The following DBNDD1 variants were observed in gnomAD, a reference collection of about 807,000 sequenced individuals.
DBNDD1 encodes dysbindin domain containing 1, also known as dysbindin domain-containing protein 1.
DBNDD1 carries 14 observed loss-of-function variants against 17.0 expected under a neutral mutation model. That is an observed-to-expected ratio of 0.82 (90% CI 0.54 to 1.29). DBNDD1 has a LOEUF of 1.29. Ranked by LOEUF, DBNDD1 falls within the 50% of genes most tolerant of loss-of-function variation. The probability of loss-of-function intolerance (pLI) is 0.00; values close to 1 mark genes in which losing one functional copy is unlikely to be tolerated. For missense variants in DBNDD1, 221 were observed against 216.2 expected (o/e 1.02, Z -0.14); for synonymous variants, 105 against 102.0 (o/e 1.03, Z -0.18).
rs2035406813 is a variant in DBNDD1 at position 90,005,579 on chromosome 16, C to A, written c.*756G>T. The A allele has an allele frequency of 2.0e-5, 3 of 152,354 alleles. No homozygotes were observed. The highest frequency in any genetic ancestry group is 2.0e-4 in the Admixed American group (3 of 15,292). The allele number at this position is 152,354 out of a possible 1,614,324, so 9.4% of individuals were successfully genotyped here. The stretch of plus-strand genomic sequence containing the variant: ...GCAGGACAAGGAGAGGTGAACCCCA[C>A]CCCGAGAGCATTCCGGGAGGTGTCA... On this transcript the variant is annotated 3_prime_UTR_variant, in exon 4 of 4. Transcript: ENST00000002501.
At chr16:90,016,058 T>C (rs975113480) in intron 1 of DBNDD1, among the ~76,000 whole-genome samples, 16 of 152,204 alleles carry the variant, frequency 1.1e-4, no homozygotes, top group Non-Finnish European at 2.9e-5. Flanking sequence ...TGGCTGGAAC[T>C]GATAGGCAAA....
Position 90,008,853 on chromosome 16 carries a change from A to G in DBNDD1, c.250T>C (p.Ser84Pro). The G allele has an allele frequency of 6.2e-7, 1 of 1,603,628 alleles. No individual in the cohort carries two copies. The highest frequency in any genetic ancestry group is 1.1e-5 in the South Asian group (1 of 89,912). Residue 84 changes from serine to proline, a missense_variant, in exon 3 of 4, where the codon TCG becomes CCG. Ser to Pro is a moderately conservative substitution (Grantham distance 74, BLOSUM62 -1). Transcript: ENST00000002501. ...LLDLTELTDMSDQELAEVFAD... is the reference protein window; with the variant it reads ...LLDLTELTDMPDQELAEVFAD... ...AAGACCTCGGCCAGCTCCTGGTCCG[A>G]CATGTCGGTGAGCTCAGTGAGGTCC... is the stretch of plus-strand genomic sequence containing the variant.
intron 1 of DBNDD1, among the ~76,000 whole-genome samples, chr16:90,017,873 G>A (rs866232876): frequency 3.9e-5 from 6 of 152,324 alleles, no homozygotes; most frequent in Admixed American, 6.5e-5. Flanking sequence ...ACAGAGCTGC[G>A]ACCTGTAGGT....
upstream of DBNDD1, chr16:90,019,522 G>GCCCCGGC (rs2035732484): frequency 6.4e-6 from 1 of 155,290 alleles, no homozygotes; most frequent in African/African-American, 2.5e-5. The surrounding 1 kb of genome is among the most constrained non-coding windows in gnomAD (Gnocchi z 6.1). Context: ...CTGCTCCCGG[G>GCCCCGGC]CCCCGGCCCC....
rs943106145 is a variant in DBNDD1 at position 90,019,143 on chromosome 16, G to C, written c.31+168C>G. ...TCGGTCCGTGTGCCCCCAGCCCCGCGCGGGGACCGCGCCCGGGAGGTGCCC... is the reference window on the plus strand; with the variant it reads ...TCGGTCCGTGTGCCCCCAGCCCCGCCCGGGGACCGCGCCCGGGAGGTGCCC... On this transcript the variant is annotated intron_variant, in intron 1 of 3. Coordinates refer to ENST00000002501, the MANE Select transcript of DBNDD1 (RefSeq NM_001042610.3). This position sits in a 1 kb window ranked among gnomAD's most constrained non-coding sequence, Gnocchi z 6.1. Among the ~76,000 whole-genome samples the C allele has an allele frequency of 6.6e-6, 1 of 152,152 alleles. No homozygotes were observed. The highest frequency in any genetic ancestry group is 2.4e-5 in the African/African-American group (1 of 41,450).
Position 90,019,180 on chromosome 16 carries a change from G to A in DBNDD1, c.31+131C>T. ...CCCGGGAGGTGCCCCTGGCCCGCCGGACGACCCCGAGCTGCCAAAGGGGTC... is the reference window on the plus strand; with the variant it reads ...CCCGGGAGGTGCCCCTGGCCCGCCGAACGACCCCGAGCTGCCAAAGGGGTC... On this transcript the variant is annotated intron_variant, in intron 1 of 3. Transcript: ENST00000002501. This position sits in a 1 kb window ranked among gnomAD's most constrained non-coding sequence, Gnocchi z 6.1. 2.5e-6 allele frequency: 1 copy of A among 397,036 alleles called. No homozygotes were observed. Among genetic ancestry groups the A allele is most frequent in the Non-Finnish European group, 4.2e-6 (1 of 239,498 alleles). 24.6% of individuals were successfully genotyped at this position (397,036 alleles called of 1,614,324 possible).
rs1242637098 is a variant in DBNDD1, at chr16:90,019,384, C to T, written c.-43G>A. The T allele has an allele frequency of 2.5e-6, 3 of 1,191,722 alleles. No individual in the cohort carries two copies. Among genetic ancestry groups the T allele is most frequent in the East Asian group, 3.5e-5 (1 of 28,708 alleles). The allele number at this position is 1,191,722 out of a possible 1,614,324, so 73.8% of individuals were successfully genotyped here. Reference sequence around the variant, plus strand: ...GGAGGGGCACGGGCGACGGCGGCGTCGCCTGGCCCGGGCGCCCCAACAGCT... The same window carrying T: ...GGAGGGGCACGGGCGACGGCGGCGTTGCCTGGCCCGGGCGCCCCAACAGCT... On this transcript the variant is annotated 5_prime_UTR_variant, in exon 1 of 4. Coordinates refer to ENST00000002501, the MANE Select transcript of DBNDD1 (RefSeq NM_001042610.3). The surrounding 1 kb of genome is among the most constrained non-coding windows in gnomAD (Gnocchi z 6.1).
At chr16:90,014,738 C>T (rs1319760277) in intron 1 of DBNDD1, among the ~76,000 whole-genome samples, 1 of 152,132 alleles carries the variant, frequency 6.6e-6, no homozygotes, top group Non-Finnish European at 1.5e-5. Context: ...GGCGCGGTGG[C>T]TCACGCCTGT....
Position 90,008,940 on chromosome 16 carries a change from G to A in DBNDD1, c.179-16C>T. The A allele has an allele frequency of 6.5e-7, 1 of 1,540,390 alleles. No homozygotes were observed. The highest frequency in any genetic ancestry group is 8.8e-7 in the Non-Finnish European group (1 of 1,136,678). ...CTCAGAGGCTCTGAGGGCAGAGGGGGTACAGTCAGCCCTCAGGCCCTCCCA... is the reference window on the plus strand; with the variant it reads ...CTCAGAGGCTCTGAGGGCAGAGGGGATACAGTCAGCCCTCAGGCCCTCCCA... On this transcript the variant is annotated splice_polypyrimidine_tract_variant and intron_variant, in intron 2 of 3. Coordinates refer to ENST00000002501, the MANE Select transcript of DBNDD1 (RefSeq NM_001042610.3).
intron 1 of DBNDD1, 26 bp from the exon 2 acceptor site, chr16:90,009,456 T>G: frequency 1.2e-6 from 2 of 1,606,090 alleles, no homozygotes; most frequent in African/African-American, 1.3e-5. Context: ...CAGTGTCACC[T>G]TGAGATCCAC....
rs368971249 is a variant in DBNDD1 at position 90,012,460 on chromosome 16, C to T, written c.32-3030G>A. ...CCTGAGGGGCACCCCCTCCTCTCCT[C>T]TCTCTTTTTTTTTTTTGAGATGGAG... On this transcript the variant is annotated intron_variant, in intron 1 of 3. Coordinates refer to ENST00000002501, the MANE Select transcript of DBNDD1 (RefSeq NM_001042610.3). 4.6e-3 allele frequency among the ~76,000 whole-genome samples: 692 copies of T among 150,068 alleles called. 4 individuals are homozygous for T. Among genetic ancestry groups the T allele is most frequent in the African/African-American group, 0.016 (666 of 40,426 alleles).
chr16:90,006,116 C>T lies in DBNDD1; in HGVS notation c.*219G>A, dbSNP rs979032428. On this transcript the variant is annotated 3_prime_UTR_variant, in exon 4 of 4. Coordinates refer to ENST00000002501, the MANE Select transcript of DBNDD1 (RefSeq NM_001042610.3). ...AGGCATCCGGGGGCCCCGTGTGTCC[C>T]CCAGGAAAGCCGGCTGGTCTCCAAG... 8 of 665,030 alleles carry T rather than the reference C, an allele frequency of 1.2e-5. No homozygotes were observed. In the South Asian group the frequency reaches 1.9e-4, roughly 16 times the overall value. The allele number at this position is 665,030 out of a possible 1,614,324, so 41.2% of individuals were successfully genotyped here.
chr16:90,004,907 C>CA lies in DBNDD1; in HGVS notation c.*1427dup, dbSNP rs2035391954. On this transcript the variant is annotated 3_prime_UTR_variant, in exon 4 of 4. Coordinates refer to ENST00000002501, the MANE Select transcript of DBNDD1 (RefSeq NM_001042610.3). ...AGTGATGCTTTAATCCCCCTGTTTG[C>CA]AAACGAGCTCTGTGGAAGCTCAGCA... 6.5e-6 allele frequency: 1 copy of CA among 152,762 alleles called. No homozygotes were observed. Among genetic ancestry groups the CA allele is most frequent in the Non-Finnish European group, 1.5e-5 (1 of 68,116 alleles). 9.5% of individuals were successfully genotyped at this position (152,762 alleles called of 1,614,324 possible). A position where few individuals can be genotyped will look rare whatever the true frequency, so the allele number is the denominator to read the frequency against.
At chr16:90,010,367 C>CTTTTT (rs34659525) in intron 1 of DBNDD1, among the ~76,000 whole-genome samples, 1 of 123,794 alleles carries the variant, frequency 8.1e-6, no homozygotes, top group Non-Finnish European at 1.7e-5. Flanking sequence ...ACGTAACTAC[C>CTTTTT]TTTTTTTTTT....
At chr16:90,007,677 T>G (rs11076654) in intron 3 of DBNDD1, 1 of 152,274 alleles carries the variant, frequency 6.6e-6, no homozygotes, top group Admixed American at 6.5e-5. Flanking sequence ...TCTTGGCCCA[T>G]TTTATGATGA....
At chr16:90,009,948 G>A (rs1294390943) in intron 1 of DBNDD1, 4 of 1,612,560 alleles carry the variant, frequency 2.5e-6, no homozygotes, top group Admixed American at 1.7e-5. Flanking sequence ...TTAAATGAAA[G>A]TTACAAACCA....
intron 1 of DBNDD1, chr16:90,011,687 C>A (rs1280035512): frequency 2.2e-6 from 1 of 455,360 alleles, no homozygotes. Flanking sequence ...TTCCACCTTT[C>A]CACTGGCATC....
chr16:90,009,133 T>G (rs1048248575), intron 2 of DBNDD1, 151 bp downstream of exon 2: 2 of 1,296,452 alleles, frequency 1.5e-6, no homozygotes, highest in Non-Finnish European at 2.1e-6. Context: ...CAGCTGAGGC[T>G]CAGAGAACCA....
Position 90,008,784 on chromosome 16 carries a change from C to T in DBNDD1, c.319G>A (p.Gly107Ser). Residue 107 changes from glycine to serine, a missense_variant and splice_region_variant, in exon 3 of 4, where the codon GGT (glycine) becomes AGT (serine). Gly to Ser is a moderately conservative substitution (Grantham distance 56). Transcript: ENST00000002501. Reference sequence around the variant, plus strand: ...AGCCCAGCCCTGATGCCGGCCTCACCTGCTGGGGACTCGGTGTTGAGGTTC... The same window carrying T: ...AGCCCAGCCCTGATGCCGGCCTCACTTGCTGGGGACTCGGTGTTGAGGTTC... ...DENLNTESPAGLHPLPRAGYL... is the reference protein window; with the variant it reads ...DENLNTESPASLHPLPRAGYL... 6.3e-7 allele frequency: 1 copy of T among 1,594,666 alleles called. No individual in the cohort carries two copies. The highest frequency in any genetic ancestry group is 8.6e-7 in the Non-Finnish European group (1 of 1,167,188).
Sources: gnomAD v4.1 joint callset for allele counts (sites outside exome capture counted in the v4.1 genomes callset) on GRCh38, gnomAD v4.1.1 for gene constraint, Gnocchi (gnomAD v3.1) non-coding constraint, MANE v1.5 for transcripts, NCBI Gene and HGNC (gene_info 2026-07-23, HGNC 2026-07-21) for gene names.